Variants in IGSF3 observed in about 807,000 individuals in gnomAD.
IGSF3 encodes glu-Trp-Ile EWI motif-containing protein 3.
In IGSF3, 23 loss-of-function variants were observed where a neutral mutation model predicts 114.4. That is an observed-to-expected ratio of 0.20 (90% CI 0.14 to 0.28). IGSF3 has a LOEUF of 0.28. Ranked by LOEUF, IGSF3 falls within the 10% of genes least tolerant of loss-of-function variation. The probability of loss-of-function intolerance (pLI) is 1.00; values close to 1 mark genes in which losing one functional copy is unlikely to be tolerated. For missense variants in IGSF3, 1,172 were observed against 1,591.5 expected (o/e 0.74, Z 4.48); for synonymous variants, 571 against 645.2 (o/e 0.88, Z 1.74).
Position 116,628,809 on chromosome 1 carries a change from T to C in IGSF3, c.44-12352A>G, listed in dbSNP as rs983469054. On this transcript the variant is annotated intron_variant, in intron 2 of 10. Coordinates refer to ENST00000369486, the MANE Select transcript of IGSF3 (RefSeq NM_001007237.3). This position sits in a 1 kb window ranked among gnomAD's most constrained non-coding sequence, Gnocchi z 4.2. ...GCTCTCATCAGTGGGTAGCCCTGGA[T>C]TGGACATTTTCCCTATTCAATTCAA... is the stretch of plus-strand genomic sequence containing the variant. Among the ~76,000 whole-genome samples, 12 of 152,178 alleles carry C rather than the reference T, an allele frequency of 7.9e-5. No individual in the cohort carries two copies. The highest frequency in any genetic ancestry group is 5.2e-4 in the Admixed American group (8 of 15,268).
rs1647939471 is a variant in IGSF3, at chr1:116,638,608, G to A, written c.44-22151C>T. Among the ~76,000 whole-genome samples, 1 of 152,182 alleles carries A rather than the reference G, an allele frequency of 6.6e-6. No individual in the cohort carries two copies. The highest frequency in any genetic ancestry group is 1.5e-5 in the Non-Finnish European group (1 of 68,046). On this transcript the variant is annotated intron_variant, in intron 2 of 10. Transcript: ENST00000369486. This position sits in a 1 kb window ranked among gnomAD's most constrained non-coding sequence, Gnocchi z 4.1. ...GCCATTTCCCCCAAGTCGACCAGGAGTCATTCACACCTAAAGGCTATGCTT... is the reference window on the plus strand; with the variant it reads ...GCCATTTCCCCCAAGTCGACCAGGAATCATTCACACCTAAAGGCTATGCTT...
At chr1:116,667,405 G>C (rs1448062102) in intron 1 of IGSF3, among the ~76,000 whole-genome samples, 2 of 152,120 alleles carry the variant, frequency 1.3e-5, no homozygotes, top group Non-Finnish European at 2.9e-5. Context: ...AAAAGAAACC[G>C]GGGAAGAAGG....
intron 5 of IGSF3, chr1:116,606,463 T>C: frequency 3.1e-6 from 5 of 1,612,748 alleles, no homozygotes; most frequent in Non-Finnish European, 4.2e-6. Flanking sequence ...ATTACCGATG[T>C]GATTGTTGTT....
In IGSF3 at chr1:116,579,989, T is replaced by G; in HGVS notation, c.2849-112A>C. 1.0e-6 allele frequency: 1 copy of G among 997,122 alleles called. No individual in the cohort carries two copies. Among genetic ancestry groups the G allele is most frequent in the Non-Finnish European group, 1.4e-6 (1 of 698,678 alleles). The allele number at this position is 997,122 out of a possible 1,614,324, so 61.8% of individuals were successfully genotyped here. On this transcript the variant is annotated intron_variant, in intron 9 of 10. Coordinates refer to ENST00000369486, the MANE Select transcript of IGSF3 (RefSeq NM_001007237.3). This position sits in a 1 kb window ranked among gnomAD's most constrained non-coding sequence, Gnocchi z 6.4. ...ATAGTAACATCCATACTATAAGATATTATGCACCTATTGAAAAGGCATAGG... is the reference window on the plus strand; with the variant it reads ...ATAGTAACATCCATACTATAAGATAGTATGCACCTATTGAAAAGGCATAGG...
chr1:116,613,652 AAAACCTGCTGTCCTGGT>A, intron 4 of IGSF3, 96 bp downstream of exon 4: 1 of 1,008,042 alleles, frequency 9.9e-7, no homozygotes, highest in South Asian at 1.6e-5. Context: ...ACTTCACATG[AAAACCTGCTGTCCTGGT>A]AGAGGTGCCC....
Position 116,600,182 on chromosome 1 carries a change from C to T in IGSF3, c.1788G>A (p.Val596=). 2.5e-6 allele frequency: 4 copies of T among 1,614,140 alleles called. No homozygotes were observed. Among genetic ancestry groups the T allele is most frequent in the Non-Finnish European group, 3.4e-6 (4 of 1,180,010 alleles). ...PVGTVEFHDL[V]TFTRDGGVQW... Reference sequence around the variant, plus strand: ...GGACCCCTCCGTCCCGGGTGAAGGTCACCAAGTCATGGAACTCCACCGTGC... The same window carrying T: ...GGACCCCTCCGTCCCGGGTGAAGGTTACCAAGTCATGGAACTCCACCGTGC... Residue 596 remains valine (V), a synonymous_variant, in exon 7 of 11, where the codon GTG becomes GTA. Transcript: ENST00000369486. The surrounding 1 kb of genome is among the most constrained non-coding windows in gnomAD (Gnocchi z 5.5).
intron 2 of IGSF3, among the ~76,000 whole-genome samples, chr1:116,620,772 A>T (rs1260636148): frequency 2.6e-5 from 4 of 152,084 alleles, no homozygotes; most frequent in Non-Finnish European, 1.5e-5. Context: ...ACAGGGTCTC[A>T]CTCTGTCACC....
rs148838910 is a variant in IGSF3 at position 116,662,231 on chromosome 1, C to T, written c.43+4053G>A. 5.1e-3 allele frequency among the ~76,000 whole-genome samples: 776 copies of T among 152,124 alleles called. 2 individuals carry two copies. Among genetic ancestry groups the T allele is most frequent in the Non-Finnish European group, 9.6e-3 (650 of 68,002 alleles). ...GATTACAGGAATGTGCCACCATGCT[C>T]GGCTAATTTTTGTATTTTTAGTACA... is the stretch of plus-strand genomic sequence containing the variant. On this transcript the variant is annotated intron_variant, in intron 2 of 10. Coordinates refer to ENST00000369486, the MANE Select transcript of IGSF3 (RefSeq NM_001007237.3). This position sits in a 1 kb window ranked among gnomAD's most constrained non-coding sequence, Gnocchi z 4.3.
rs528988547 is a variant in IGSF3, at chr1:116,584,512, C to A, written c.2848+133G>T. The A allele has an allele frequency of 1.4e-3, 1,190 of 855,096 alleles. 2 individuals are homozygous for A. Among genetic ancestry groups the A allele is most frequent in the Non-Finnish European group, 1.9e-3 (1,080 of 554,794 alleles). 53.0% of individuals were successfully genotyped at this position (855,096 alleles called of 1,614,324 possible). On this transcript the variant is annotated intron_variant, in intron 9 of 10. Coordinates refer to ENST00000369486, the MANE Select transcript of IGSF3 (RefSeq NM_001007237.3). This position sits in a 1 kb window ranked among gnomAD's most constrained non-coding sequence, Gnocchi z 5.8. ...ATTCAGGCAATTTTGAATATAAATG[C>A]ATATACATGTAGACACTCATATATT...
At chr1:116,659,369 TAGTC>T (rs1649014176) in intron 2 of IGSF3, among the ~76,000 whole-genome samples, 1 of 152,078 alleles carries the variant, frequency 6.6e-6, no homozygotes, top group African/African-American at 2.4e-5. Flanking sequence ...GGCCCACAAT[TAGTC>T]AGTTAATAAA....
rs1394418019 is a variant in IGSF3 at position 116,638,007 on chromosome 1, G to A, written c.44-21550C>T. Among the ~76,000 whole-genome samples the A allele has an allele frequency of 5.3e-5, 8 of 152,030 alleles. No individual in the cohort carries two copies. The highest frequency in any genetic ancestry group is 1.9e-4 in the East Asian group (1 of 5,180). ...CTCTTGTCCTGCCTATAAGTATATC[G>A]GATCGCTCTCCTTCTTGCTGGCATC... On this transcript the variant is annotated intron_variant, in intron 2 of 10. Coordinates refer to ENST00000369486, the MANE Select transcript of IGSF3 (RefSeq NM_001007237.3). The surrounding 1 kb of genome is among the most constrained non-coding windows in gnomAD (Gnocchi z 4.1).
chr1:116,658,072 G>C (rs1648944542), intron 2 of IGSF3, among the ~76,000 whole-genome samples: 1 of 144,710 alleles, frequency 6.9e-6, no homozygotes, highest in Non-Finnish European at 1.5e-5. Context: ...TGTTTTGTTT[G>C]CTTTTGTTGC....
chr1:116,587,913 T>C (rs978057566), intron 8 of IGSF3, among the ~76,000 whole-genome samples: 2 of 152,146 alleles, frequency 1.3e-5, no homozygotes, highest in African/African-American at 4.8e-5. Flanking sequence ...GAGAGGCCCT[T>C]CAGGCTACAC....
At position 116,627,785 on chromosome 1, in the gene IGSF3, C is replaced by T. The variant is rs1250185467; in HGVS notation, c.44-11328G>A. Among the ~76,000 whole-genome samples the T allele has an allele frequency of 2.0e-5, 3 of 152,146 alleles. No homozygotes were observed. Among genetic ancestry groups the T allele is most frequent in the African/African-American group, 4.8e-5 (2 of 41,426 alleles). On this transcript the variant is annotated intron_variant, in intron 2 of 10. Transcript: ENST00000369486. This position sits in a 1 kb window ranked among gnomAD's most constrained non-coding sequence, Gnocchi z 4.7. ...TCTGCTGTGTCCTTCAACACAGTGTCCCCACCTTCTGTCTCCCAACACTAG... is the reference window on the plus strand; with the variant it reads ...TCTGCTGTGTCCTTCAACACAGTGTTCCCACCTTCTGTCTCCCAACACTAG...
Position 116,647,706 on chromosome 1 carries a change from C to T in IGSF3, c.43+18578G>A, listed in dbSNP as rs1648459119. Among the ~76,000 whole-genome samples, 1 of 152,312 alleles carries T rather than the reference C, an allele frequency of 6.6e-6. No homozygotes were observed. Among genetic ancestry groups the T allele is most frequent in the Non-Finnish European group, 1.5e-5 (1 of 68,028 alleles). ...CGGACAGAGGCAAGGATGACCGGAA[C>T]AAGACAAACAAACGAAAGGCCGACT... On this transcript the variant is annotated intron_variant, in intron 2 of 10. Transcript: ENST00000369486. This position sits in a 1 kb window ranked among gnomAD's most constrained non-coding sequence, Gnocchi z 4.6.
In IGSF3 at chr1:116,628,613, G is replaced by C. The variant is rs1056972872; in HGVS notation, c.44-12156C>G. Reference sequence around the variant, plus strand: ...TGGCAGGCACCCTGAAATATGTCTAGCATACTCATAAAGCATGAACATCTA... The same window carrying C: ...TGGCAGGCACCCTGAAATATGTCTACCATACTCATAAAGCATGAACATCTA... On this transcript the variant is annotated intron_variant, in intron 2 of 10. Transcript: ENST00000369486. This position sits in a 1 kb window ranked among gnomAD's most constrained non-coding sequence, Gnocchi z 4.2. Among the ~76,000 whole-genome samples the C allele has an allele frequency of 1.3e-5, 2 of 151,838 alleles. No homozygotes were observed. Among genetic ancestry groups the C allele is most frequent in the African/African-American group, 2.4e-5 (1 of 41,276 alleles).
Position 116,577,250 on chromosome 1 carries a change from A to G in IGSF3, c.*62T>C, listed in dbSNP as rs1336417740. On this transcript the variant is annotated 3_prime_UTR_variant, in exon 11 of 11. Coordinates refer to ENST00000369486, the MANE Select transcript of IGSF3 (RefSeq NM_001007237.3). The surrounding 1 kb of genome is among the most constrained non-coding windows in gnomAD (Gnocchi z 5.7). ...GAGTTTGGGTGCTGTCAACTGTCCA[A>G]TCACAGAGAAAGGGAGAGCCTCAGC... The G allele has an allele frequency of 6.3e-6, 10 of 1,583,966 alleles. No homozygotes were observed. The highest frequency in any genetic ancestry group is 8.6e-6 in the Non-Finnish European group (10 of 1,162,042).
chr1:116,637,143 A>G (rs1647864951), intron 2 of IGSF3, among the ~76,000 whole-genome samples: 1 of 152,170 alleles, frequency 6.6e-6, no homozygotes, highest in Non-Finnish European at 1.5e-5. Context: ...CTTGAGGCCC[A>G]CTGGTCTAAC....
intron 4 of IGSF3, 130 bp downstream of exon 4, chr1:116,613,635 G>A (rs1314319605): frequency 4.8e-5 from 40 of 839,764 alleles, no homozygotes; most frequent in Non-Finnish European, 5.1e-5. Flanking sequence ...ACACAAGACC[G>A]GCTTTAACTT....
Sources: gnomAD v4.1 joint callset for allele counts (sites outside exome capture counted in the v4.1 genomes callset) on GRCh38, gnomAD v4.1.1 for gene constraint, Gnocchi (gnomAD v3.1) non-coding constraint, MANE v1.5 for transcripts, NCBI Gene and HGNC (gene_info 2026-07-23, HGNC 2026-07-21) for gene names.